The following C16orf87 variants were observed in gnomAD, a reference collection of about 807,000 sequenced individuals.
C16orf87 encodes the protein UPF0547 protein C16orf87.
Under a neutral mutation model 21.0 loss-of-function variants are expected in C16orf87, and 13 were observed. That is an observed-to-expected ratio of 0.62 (90% CI 0.40 to 0.98). The LOEUF is 0.98. Among genes scored for constraint, C16orf87 ranks in the 50% least tolerant of loss-of-function variants. The probability of loss-of-function intolerance (pLI) is 0.00; values close to 1 mark genes in which losing one functional copy is unlikely to be tolerated. For synonymous variants in C16orf87, 49 were observed against 60.2 expected (o/e 0.81, Z 0.86); for missense variants, 113 against 180.4 (o/e 0.63, Z 2.14).
intron 3 of C16orf87, among the ~76,000 whole-genome samples, chr16:46,806,099 A>C (rs547527062): frequency 3.9e-5 from 6 of 152,224 alleles, no homozygotes; most frequent in African/African-American, 1.2e-4. Flanking sequence ...TTTTAGCCTC[A>C]ATTTCACTTC....
chr16:46,827,835 G>A (rs1377810866), intron 1 of C16orf87, among the ~76,000 whole-genome samples: 4 of 151,458 alleles, frequency 2.6e-5, no homozygotes, highest in Non-Finnish European at 5.9e-5. Context: ...CACCCACCTC[G>A]GCCTTCCAAA....
At chr16:46,805,151 A>T (rs1967890803) in intron 3 of C16orf87, among the ~76,000 whole-genome samples, 2 of 152,004 alleles carry the variant, frequency 1.3e-5, no homozygotes, top group Non-Finnish European at 1.5e-5. Flanking sequence ...GGTTGGAAAA[A>T]TTTTCTTGAA....
chr16:46,822,065 A>T (rs9922581), intron 2 of C16orf87, among the ~76,000 whole-genome samples: 6 of 151,814 alleles, frequency 4.0e-5, no homozygotes, highest in Non-Finnish European at 5.9e-5. Flanking sequence ...TTTTCATTTT[A>T]TTTTAGACAA....
intron 1 of C16orf87, among the ~76,000 whole-genome samples, chr16:46,826,074 C>A (rs1419495667): frequency 6.6e-6 from 1 of 152,108 alleles, no homozygotes; most frequent in African/African-American, 2.4e-5. Flanking sequence ...GATCCAGAAT[C>A]TTATATCTTA....
At chr16:46,807,681 A>G (rs1209595414) in intron 3 of C16orf87, among the ~76,000 whole-genome samples, 1 of 152,246 alleles carries the variant, frequency 6.6e-6, no homozygotes, top group Non-Finnish European at 1.5e-5. Flanking sequence ...CATGGTCTAC[A>G]TAAGATTCCA....
intron 1 of C16orf87, among the ~76,000 whole-genome samples, chr16:46,825,126 T>C (rs951954248): frequency 1.3e-5 from 2 of 152,204 alleles, no homozygotes; most frequent in African/African-American, 4.8e-5. Flanking sequence ...AGGTAGCATT[T>C]CCTAAAATGT....
intron 2 of C16orf87, among the ~76,000 whole-genome samples, chr16:46,810,687 T>G (rs1968054453): frequency 6.6e-6 from 1 of 152,016 alleles, no homozygotes; most frequent in Non-Finnish European, 1.5e-5. Context: ...AAAAGTAAAA[T>G]AGTAATATTA....
At chr16:46,824,279 T>A in intron 2 of C16orf87, 107 bp downstream of exon 2, 1 of 620,838 alleles carries the variant, frequency 1.6e-6, no homozygotes, top group Non-Finnish European at 2.8e-6. Context: ...AACACTTGAA[T>A]AGATTTAAAC....
At position 46,802,112 on chromosome 16, in the gene C16orf87, A is replaced by G. The variant is rs1018662380; in HGVS notation, c.*840T>C. The stretch of plus-strand genomic sequence containing the variant: ...TAACAATTTAAATAATTATCAGGAT[A>G]TAGAAACAAATATCCATTCAGATAA... On this transcript the variant is annotated 3_prime_UTR_variant, in exon 4 of 4. Transcript: ENST00000285697. 6.6e-6 allele frequency: 1 copy of G among 152,334 alleles called. No homozygotes were observed. Among genetic ancestry groups the G allele is most frequent in the Non-Finnish European group, 1.5e-5 (1 of 68,014 alleles). The allele number at this position is 152,334 out of a possible 1,614,324, so 9.4% of individuals were successfully genotyped here.
chr16:46,823,913 T>C (rs1959517800), intron 2 of C16orf87, among the ~76,000 whole-genome samples: 1 of 151,932 alleles, frequency 6.6e-6, no homozygotes, highest in African/African-American at 2.4e-5. Context: ...TTACCTGGGG[T>C]GGAGGTAGCA....
chr16:46,811,120 G>A (rs1023504709), intron 2 of C16orf87, among the ~76,000 whole-genome samples: 5 of 152,120 alleles, frequency 3.3e-5, no homozygotes, highest in Admixed American at 2.0e-4. Flanking sequence ...AATGAAGAAG[G>A]AATGACAGAA....
At chr16:46,815,313 G>A (rs1968208768) in intron 2 of C16orf87, among the ~76,000 whole-genome samples, 1 of 151,504 alleles carries the variant, frequency 6.6e-6, no homozygotes, top group Admixed American at 6.6e-5. Flanking sequence ...AAAGCTTCAT[G>A]ACATTGGATT....
At chr16:46,818,780 C>G (rs1173457890) in intron 2 of C16orf87, among the ~76,000 whole-genome samples, 1 of 152,110 alleles carries the variant, frequency 6.6e-6, no homozygotes, top group Non-Finnish European at 1.5e-5. Flanking sequence ...ACCTCTGCTT[C>G]CCAGGCTCAA....
chr16:46,815,075 ACAGT>A (rs1437795972), intron 2 of C16orf87, among the ~76,000 whole-genome samples: 6 of 152,202 alleles, frequency 3.9e-5, no homozygotes, highest in Admixed American at 3.9e-4. Context: ...ACACACACAT[ACAGT>A]CAAAGGATTT....
chr16:46,827,782 C>G (rs532235347), intron 1 of C16orf87, among the ~76,000 whole-genome samples: 1 of 151,710 alleles, frequency 6.6e-6, no homozygotes, highest in Admixed American at 6.6e-5. Context: ...GGGGTTTCAC[C>G]ATGTTGGCCA....
chr16:46,812,601 A>G (rs1340187248), intron 2 of C16orf87, among the ~76,000 whole-genome samples: 1 of 152,208 alleles, frequency 6.6e-6, no homozygotes, highest in East Asian at 1.9e-4. Flanking sequence ...AAAGGTTAAA[A>G]GAACTAGTGA....
intron 1 of C16orf87, among the ~76,000 whole-genome samples, chr16:46,827,870 A>G (rs949852532): frequency 2.0e-5 from 3 of 150,816 alleles, no homozygotes; most frequent in Non-Finnish European, 3.0e-5. Flanking sequence ...GGTGTGAGCC[A>G]CCATGCCCAG....
intron 2 of C16orf87, among the ~76,000 whole-genome samples, chr16:46,816,524 G>A (rs1968246689): frequency 6.6e-6 from 1 of 151,792 alleles, no homozygotes; most frequent in African/African-American, 2.4e-5. Flanking sequence ...GATGTAGAAA[G>A]GAAAATCAAC....
In C16orf87 at chr16:46,798,005, G is replaced by A. The variant is rs1967661620; in HGVS notation, c.*4947C>T. 6.6e-6 allele frequency: 1 copy of A among 152,008 alleles called. No individual in the cohort carries two copies. Among genetic ancestry groups the A allele is most frequent in the South Asian group, 2.1e-4 (1 of 4,838 alleles). The allele number at this position is 152,008 out of a possible 1,614,324, so 9.4% of individuals were successfully genotyped here. ...AAATGGGAAATTTATAGCATTAAAT[G>A]CTTTTTTTAGAAAAGCACAAAAAGC... On this transcript the variant is annotated 3_prime_UTR_variant, in exon 4 of 4. Transcript: ENST00000285697.
Sources: gnomAD v4.1 joint callset for allele counts (sites outside exome capture counted in the v4.1 genomes callset) on GRCh38, gnomAD v4.1.1 for gene constraint, MANE v1.5 for transcripts, NCBI Gene and HGNC (gene_info 2026-07-23, HGNC 2026-07-21) for gene names.